The following METTL15 variants were observed in gnomAD, a reference collection of about 807,000 sequenced individuals.
METTL15 encodes the protein 12S rRNA N(4)-cytidine methyltransferase METTL15.
A neutral mutation model predicts 38.3 loss-of-function variants in METTL15; 34 were observed. The observed-to-expected ratio is 0.89, with a 90% CI of 0.68 to 1.18. The LOEUF (loss-of-function observed/expected upper bound fraction) is 1.18. Ranked by LOEUF, METTL15 falls within the 50% of genes most tolerant of loss-of-function variation. METTL15 has a pLI of 0.00. For synonymous variants in METTL15, 162 were observed against 170.9 expected (o/e 0.95, Z 0.41); for missense variants, 438 against 498.4 (o/e 0.88, Z 1.15).
chr11:28,152,432 G>A (rs1190239348), intron 3 of METTL15, among the ~76,000 whole-genome samples: 4 of 151,766 alleles, frequency 2.6e-5, no homozygotes, highest in African/African-American at 7.3e-5. Context: ...ATTTGTTTAT[G>A]TATTTAGTGA....
Position 28,454,286 on chromosome 11 carries a change from C to T in METTL15, c.*424+29922C>T, listed in dbSNP as rs183439443. 8.5e-5 allele frequency among the ~76,000 whole-genome samples: 13 copies of T among 152,314 alleles called. No homozygotes were observed. The East Asian group carries it at 1.9e-3, about 23-fold the overall frequency. On this transcript the variant is annotated intron_variant and NMD_transcript_variant, in intron 6 of 7. Coordinates refer to the METTL15 transcript ENST00000532947. Reference sequence around the variant, plus strand: ...ATGGCCACTTGACATCTGCCACCCTCGGGATCTTGGAATTAAGGAGTCCAT... The same window carrying T: ...ATGGCCACTTGACATCTGCCACCCTTGGGATCTTGGAATTAAGGAGTCCAT...
chr11:28,268,919 A>G (rs12417324), intron 4 of METTL15, among the ~76,000 whole-genome samples: 2,587 of 152,292 alleles, frequency 0.017, 120 homozygotes, highest in East Asian at 0.12. Flanking sequence ...AACAAGAGAG[A>G]GTAAAATATG....
chr11:28,325,100 C>T (rs1404609368), intron 6 of METTL15, among the ~76,000 whole-genome samples: 1 of 152,170 alleles, frequency 6.6e-6, no homozygotes, highest in Non-Finnish European at 1.5e-5. Context: ...ATGGACAGCT[C>T]TGACTCTCTC....
intron 4 of METTL15, chr11:28,352,243 T>A (rs984045300): frequency 6.6e-6 from 1 of 152,176 alleles, no homozygotes; most frequent in Non-Finnish European, 1.5e-5. Context: ...GCCACCAACA[T>A]GGCTGTGTCA....
chr11:28,492,626 T>C (rs1851505811), intron 6 of METTL15, among the ~76,000 whole-genome samples: 1 of 152,136 alleles, frequency 6.6e-6, no homozygotes, highest in Admixed American at 6.6e-5. Context: ...TGATACCTCC[T>C]GGAAAGCCTA....
chr11:28,171,776 C>T (rs1225469697), intron 3 of METTL15, among the ~76,000 whole-genome samples: 1 of 150,028 alleles, frequency 6.7e-6, no homozygotes, highest in African/African-American at 2.5e-5. Context: ...CCCGCCGCCT[C>T]TCTCTCTCTC....
At chr11:28,257,433 G>A (rs1590225428) in intron 4 of METTL15, among the ~76,000 whole-genome samples, 1 of 152,040 alleles carries the variant, frequency 6.6e-6, no homozygotes, top group Admixed American at 6.6e-5. Context: ...TATCTTCCTC[G>A]AGATTTGGGA....
chr11:28,514,537 T>A lies in METTL15; in HGVS notation c.*425-11941T>A, dbSNP rs867466422. Among the ~76,000 whole-genome samples, 3 of 152,250 alleles carry A rather than the reference T, an allele frequency of 2.0e-5. No individual in the cohort carries two copies. The South Asian group carries it at 6.2e-4, about 32-fold the overall frequency. Reference sequence around the variant, plus strand: ...CCTTTGTGGTTTAAATCAGTTGATCTGAGTTTTGAATTGCTATTACTTGCA... The same window carrying A: ...CCTTTGTGGTTTAAATCAGTTGATCAGAGTTTTGAATTGCTATTACTTGCA... On this transcript the variant is annotated intron_variant and NMD_transcript_variant, in intron 6 of 7. Transcript: ENST00000532947.
intron 3 of METTL15, among the ~76,000 whole-genome samples, chr11:28,350,918 G>T (rs1850035429): frequency 6.6e-6 from 1 of 152,054 alleles, no homozygotes; most frequent in Non-Finnish European, 1.5e-5. Flanking sequence ...CTAGGTCACT[G>T]GTTACCAAGC....
intron 5 of METTL15, among the ~76,000 whole-genome samples, chr11:28,365,649 T>G (rs1005253598): frequency 3.9e-5 from 6 of 152,216 alleles, no homozygotes; most frequent in African/African-American, 1.4e-4. Flanking sequence ...AATCCATTCA[T>G]AAGTATAGGA....
intron 6 of METTL15, among the ~76,000 whole-genome samples, chr11:28,479,455 G>T (rs1564943038): frequency 1.3e-5 from 2 of 152,046 alleles, no homozygotes; most frequent in African/African-American, 2.4e-5. Context: ...TGTAAGAGTT[G>T]TCTCTCTGAA....
At chr11:28,163,565 G>A (rs1335745425) in intron 3 of METTL15, 2 of 396,280 alleles carry the variant, frequency 5.0e-6, no homozygotes, top group Non-Finnish European at 8.9e-6. Context: ...GTGTGTGTGT[G>A]TGTTTGTCTG....
rs904243182 is a variant in METTL15, at chr11:28,270,418, T to C, written c.408-19788T>C. Among the ~76,000 whole-genome samples, 5 of 152,298 alleles carry C rather than the reference T, an allele frequency of 3.3e-5. No homozygotes were observed. In the East Asian group the frequency reaches 9.7e-4, roughly 29 times the overall value. ...TATAACCTTTTCCAGCTCCATCTTT[T>C]TCTCCTGAAACCTATCAAGAGTCTT... is the stretch of plus-strand genomic sequence containing the variant. On this transcript the variant is annotated intron_variant, in intron 4 of 6. Transcript: ENST00000407364.
intron 5 of METTL15, among the ~76,000 whole-genome samples, chr11:28,418,953 T>C (rs1850796825): frequency 6.6e-6 from 1 of 152,164 alleles, no homozygotes; most frequent in Admixed American, 6.5e-5. Flanking sequence ...GCTAAAGTGT[T>C]CTGGGGGGTT....
In METTL15 at chr11:28,438,679, T is replaced by G. The variant is rs184831534; in HGVS notation, c.*424+14315T>G. On this transcript the variant is annotated intron_variant and NMD_transcript_variant, in intron 6 of 7. Transcript: ENST00000532947. Reference sequence around the variant, plus strand: ...TTTTCTTTTTTCTTTTTTCTTTTTTTTTTTTTTTTTTTGGAGACAGAGTCT... The same window carrying G: ...TTTTCTTTTTTCTTTTTTCTTTTTTGTTTTTTTTTTTTGGAGACAGAGTCT... Among the ~76,000 whole-genome samples the G allele has an allele frequency of 4.9e-5, 7 of 144,166 alleles. No individual in the cohort carries two copies. In the East Asian group the frequency reaches 7.8e-4, roughly 16 times the overall value. 94.6% of individuals were successfully genotyped at this position (144,166 alleles called of 152,430 possible).
chr11:28,267,872 A>G (rs977593262), intron 4 of METTL15, among the ~76,000 whole-genome samples: 3 of 152,246 alleles, frequency 2.0e-5, no homozygotes, highest in African/African-American at 7.2e-5. Context: ...ATGATATTTT[A>G]TAAACACTTT....
intron 4 of METTL15, among the ~76,000 whole-genome samples, chr11:28,259,408 G>T (rs7110766): frequency 2.0e-5 from 3 of 152,104 alleles, no homozygotes; most frequent in Admixed American, 6.5e-5. Context: ...TCATGTACCC[G>T]CCAAGTCCAG....
chr11:28,234,964 T>C (rs1853878673), intron 4 of METTL15, among the ~76,000 whole-genome samples: 1 of 151,206 alleles, frequency 6.6e-6, no homozygotes, highest in South Asian at 2.1e-4. Context: ...CTTTAATCCA[T>C]CTTGAATTAA....
intron 2 of METTL15, among the ~76,000 whole-genome samples, chr11:28,112,294 A>G (rs1408368721): frequency 6.6e-6 from 1 of 152,182 alleles, no homozygotes; most frequent in Non-Finnish European, 1.5e-5. Flanking sequence ...TAATCCATTC[A>G]TTCATTTTCT....
Sources: gnomAD v4.1 joint callset for allele counts (sites outside exome capture counted in the v4.1 genomes callset) on GRCh38, gnomAD v4.1.1 for gene constraint, MANE v1.5 for transcripts, NCBI Gene and HGNC (gene_info 2026-07-23, HGNC 2026-07-21) for gene names.